The following ADRA1A variants were observed in gnomAD, a reference collection of about 807,000 sequenced individuals.
ADRA1A encodes the protein alpha-1A adrenergic receptor.
A neutral mutation model predicts 29.6 loss-of-function variants in ADRA1A; 31 were observed. That is an observed-to-expected ratio of 1.05 (90% CI 0.79 to 1.41). The LOEUF (loss-of-function observed/expected upper bound fraction) is 1.41. Ranked by LOEUF, ADRA1A falls within the 40% of genes most tolerant of loss-of-function variation. The pLI is 0.00. For missense variants in ADRA1A, 619 were observed against 601.1 expected (o/e 1.03, Z -0.31); for synonymous variants, 311 against 254.3 (o/e 1.22, Z -2.12).
chr8:26,770,711 C>G (rs1324160857), intron 2 of ADRA1A, 45 bp from the exon 3 acceptor site: 5 of 1,541,318 alleles, frequency 3.2e-6, no homozygotes. Context: ...TGAAAGCCAG[C>G]AAGCCAATTG....
chr8:26,859,259 A>C (rs535571583), intron 2 of ADRA1A: 2 of 1,140,014 alleles, frequency 1.8e-6, no homozygotes, highest in Admixed American at 2.6e-5. Context: ...ATTTTGCATG[A>C]AAAACATACT....
At chr8:26,780,684 G>A (rs1020585040) in intron 2 of ADRA1A, among the ~76,000 whole-genome samples, 1 of 152,216 alleles carries the variant, frequency 6.6e-6, no homozygotes, top group Non-Finnish European at 1.5e-5. Flanking sequence ...AAACCAGGCT[G>A]TATGGCAGGA....
intron 2 of ADRA1A, among the ~76,000 whole-genome samples, chr8:26,835,102 C>T (rs1811250657): frequency 6.6e-6 from 1 of 152,154 alleles, no homozygotes; most frequent in South Asian, 2.1e-4. Flanking sequence ...CCGTATATGT[C>T]CTTAAACACT....
chr8:26,817,640 T>C (rs972341036), intron 2 of ADRA1A, among the ~76,000 whole-genome samples: 3 of 152,118 alleles, frequency 2.0e-5, no homozygotes, highest in Non-Finnish European at 4.4e-5. Context: ...TAGCTGGGCA[T>C]GGTGGCAGAT....
chr8:26,767,808 G>A (rs910622239), downstream of ADRA1A, among the ~76,000 whole-genome samples: 2 of 152,132 alleles, frequency 1.3e-5, no homozygotes, highest in African/African-American at 4.8e-5. Flanking sequence ...AGGGGGAGTG[G>A]GGCAAGTGAT....
chr8:26,823,245 G>A lies in ADRA1A; in HGVS notation c.883+40842C>T, dbSNP rs1014522210. ...AAGTGTGCTCTTGTCTGTGACACATGCTTCTTTGGCCACATGGTATAGTGT... is the reference window on the plus strand; with the variant it reads ...AAGTGTGCTCTTGTCTGTGACACATACTTCTTTGGCCACATGGTATAGTGT... On this transcript the variant is annotated intron_variant, in intron 2 of 2. Coordinates refer to ENST00000380573, the MANE Select transcript of ADRA1A (RefSeq NM_000680.4). The surrounding 1 kb of genome is among the most constrained non-coding windows in gnomAD (Gnocchi z 4.2). 1.3e-5 allele frequency among the ~76,000 whole-genome samples: 2 copies of A among 152,048 alleles called. No individual in the cohort carries two copies. The highest frequency in any genetic ancestry group is 2.4e-5 in the African/African-American group (1 of 41,370).
chr8:26,853,461 A>G (rs993116649), intron 2 of ADRA1A, among the ~76,000 whole-genome samples: 3 of 152,238 alleles, frequency 2.0e-5, no homozygotes, highest in African/African-American at 7.2e-5. Context: ...GCCTTAACCT[A>G]GAGAATATTA....
intron 2 of ADRA1A, among the ~76,000 whole-genome samples, chr8:26,793,079 G>T (rs1021418197): frequency 1.3e-5 from 2 of 151,776 alleles, no homozygotes; most frequent in East Asian, 1.9e-4. Flanking sequence ...ATTAAACAAA[G>T]CAGACTCCAT....
At chr8:26,808,668 A>G (rs989393427) in intron 2 of ADRA1A, among the ~76,000 whole-genome samples, 2 of 152,228 alleles carry the variant, frequency 1.3e-5, no homozygotes, top group Non-Finnish European at 2.9e-5. Flanking sequence ...TGAAAAGTAT[A>G]CACTGAGATG....
intron 2 of ADRA1A, among the ~76,000 whole-genome samples, chr8:26,832,521 TTGTGGACA>T (rs1313322229): frequency 6.6e-6 from 1 of 151,982 alleles, no homozygotes; most frequent in Non-Finnish European, 1.5e-5. Flanking sequence ...ACAAATCAGG[TTGTGGACA>T]TGTGTTTTCT....
chr8:26,830,019 T>C (rs931641385), intron 2 of ADRA1A, among the ~76,000 whole-genome samples: 3 of 152,174 alleles, frequency 2.0e-5, no homozygotes, highest in Non-Finnish European at 4.4e-5. Context: ...TGTCGGATGT[T>C]TGAAGACAGC....
At position 26,865,824 on chromosome 8, in the gene ADRA1A, C is replaced by G; in HGVS notation, c.-686-169G>C. Reference sequence around the variant, plus strand: ...GGCGACTTCGGAGCTCATCTCGCGCCCCCACCACTGGGAACCTGCCTAGCG... The same window carrying G: ...GGCGACTTCGGAGCTCATCTCGCGCGCCCACCACTGGGAACCTGCCTAGCG... On this transcript the variant is annotated intron_variant, in intron 1 of 2. Transcript: ENST00000380573. The surrounding 1 kb of genome is among the most constrained non-coding windows in gnomAD (Gnocchi z 7.6). 2.0e-6 allele frequency: 1 copy of G among 498,466 alleles called. No individual in the cohort carries two copies. The highest frequency in any genetic ancestry group is 2.6e-6 in the Non-Finnish European group (1 of 385,128). The allele number at this position is 498,466 out of a possible 1,614,324, so 30.9% of individuals were successfully genotyped here. A position where few individuals can be genotyped will look rare whatever the true frequency, so the allele number is the denominator to read the frequency against.
chr8:26,793,037 T>TA (rs540832757), intron 2 of ADRA1A, among the ~76,000 whole-genome samples: 89 of 151,596 alleles, frequency 5.9e-4, no homozygotes, highest in African/African-American at 2.0e-3. Flanking sequence ...TAAGCCTAGG[T>TA]AAAAAAAATA....
chr8:26,810,212 C>A (rs1018320158), intron 2 of ADRA1A, among the ~76,000 whole-genome samples: 4 of 152,226 alleles, frequency 2.6e-5, no homozygotes, highest in Non-Finnish European at 5.9e-5. Context: ...ACAAAAGGGT[C>A]ACCATTCAAT....
intron 2 of ADRA1A, among the ~76,000 whole-genome samples, chr8:26,850,248 T>C (rs1236505961): frequency 1.1e-4 from 17 of 152,038 alleles, no homozygotes; most frequent in Non-Finnish European, 2.2e-4. Context: ...TTTATAAACA[T>C]CTTAGTTGAA....
chr8:26,817,131 A>C (rs1248368326), intron 2 of ADRA1A, among the ~76,000 whole-genome samples: 1 of 152,234 alleles, frequency 6.6e-6, no homozygotes, highest in Non-Finnish European at 1.5e-5. Flanking sequence ...TTTACAAACC[A>C]TATATCTGAT....
intron 2 of ADRA1A, among the ~76,000 whole-genome samples, chr8:26,811,082 A>C (rs1039919689): frequency 2.6e-4 from 39 of 152,318 alleles, no homozygotes; most frequent in African/African-American, 8.4e-4. Context: ...AACATAGATG[A>C]ACCTTGGGTG....
intron 2 of ADRA1A, among the ~76,000 whole-genome samples, chr8:26,757,519 C>A (rs1166337605): frequency 6.9e-6 from 1 of 144,086 alleles, no homozygotes; most frequent in African/African-American, 2.8e-5. Context: ...ATTTCCCCCA[C>A]CCCCCACCTC....
chr8:26,806,923 T>C lies in ADRA1A; in HGVS notation c.884-36257A>G, dbSNP rs528018408. Among the ~76,000 whole-genome samples, 18 of 152,268 alleles carry C rather than the reference T, an allele frequency of 1.2e-4. 1 individual carries two copies. The highest frequency in any genetic ancestry group is 1.9e-4 in the Non-Finnish European group (13 of 68,010). The stretch of plus-strand genomic sequence containing the variant: ...TGGACCCAAACTCTGATAAGCTGGG[T>C]CTTTACCAAGGGCCAAAGTGGCTTG... On this transcript the variant is annotated intron_variant, in intron 2 of 2. Coordinates refer to ENST00000380573, the MANE Select transcript of ADRA1A (RefSeq NM_000680.4). The surrounding 1 kb of genome is among the most constrained non-coding windows in gnomAD (Gnocchi z 4.6).
Sources: allele counts gnomAD v4.1 joint callset (sites outside exome capture counted in the v4.1 genomes callset), GRCh38; gene constraint gnomAD v4.1.1; non-coding constraint Gnocchi (gnomAD v3.1); transcripts MANE v1.5; gene names NCBI Gene and HGNC (gene_info 2026-07-23, HGNC 2026-07-21).